PISD: variants seen among roughly 807,000 people sequenced by gnomAD.
The protein encoded by PISD is phosphatidylserine decarboxylase proenzyme, mitochondrial.
Under a neutral mutation model 43.5 loss-of-function variants are expected in PISD, and 31 were observed. The ratio of observed to expected loss-of-function variants is 0.71; its 90% CI spans 0.54 to 0.96. The LOEUF (loss-of-function observed/expected upper bound fraction) is 0.96. Among genes scored for constraint, PISD ranks in the 40% least tolerant of loss-of-function variants. The pLI is 0.00. For synonymous variants in PISD, 259 were observed against 228.7 expected (o/e 1.13, Z -1.20); for missense variants, 523 against 548.4 (o/e 0.95, Z 0.46).
At chr22:31,623,249 C>T (rs996168823) in intron 3 of PISD, among the ~76,000 whole-genome samples, 1 of 152,254 alleles carries the variant, frequency 6.6e-6, no homozygotes, top group Non-Finnish European at 1.5e-5. Context: ...AGGGTGTCCT[C>T]ACCCTAAGGG....
chr22:31,619,244 T>A lies in PISD; in HGVS notation c.*368A>T. 6.5e-6 allele frequency: 2 copies of A among 307,788 alleles called. No individual in the cohort carries two copies. The highest frequency in any genetic ancestry group is 1.3e-5 in the Non-Finnish European group (2 of 156,798). 19.1% of individuals were successfully genotyped at this position (307,788 alleles called of 1,614,324 possible). On this transcript the variant is annotated 3_prime_UTR_variant, in exon 8 of 8. Transcript: ENST00000439502. ...AGGGGCCAACAGAAAACAGCTCAGGTGATGGGGGGAGGAGCAGCAAGAAAA... is the reference window on the plus strand; with the variant it reads ...AGGGGCCAACAGAAAACAGCTCAGGAGATGGGGGGAGGAGCAGCAAGAAAA...
At chr22:31,622,024 C>T (rs1216108457) in intron 3 of PISD, 139 bp from the exon 4 acceptor site, 1 of 662,780 alleles carries the variant, frequency 1.5e-6, no homozygotes. Context: ...GTGCCCCACG[C>T]TGCTTTTGTG....
In PISD at chr22:31,619,176, C is replaced by T. The variant is rs8461; in HGVS notation, c.*436G>A. The T allele has an allele frequency of 0.24, 65,653 of 277,832 alleles. 8,751 individuals are homozygous for T. The highest frequency in any genetic ancestry group is 0.42 in the East Asian group (4,001 of 9,594). The allele number at this position is 277,832 out of a possible 1,614,324, so 17.2% of individuals were successfully genotyped here. On this transcript the variant is annotated 3_prime_UTR_variant, in exon 8 of 8. Transcript: ENST00000439502. ...GCATCCACAGTCTGTGCCAAGGAGG[C>T]ACCTCACCCTGTGCAGCAGGAGCGT...
intron 4 of PISD, 43 bp downstream of exon 4, chr22:31,621,606 G>A (rs772344640): frequency 1.2e-6 from 2 of 1,602,448 alleles, no homozygotes; most frequent in Non-Finnish European, 1.7e-6. Flanking sequence ...GGGGAGGCAG[G>A]AAAAAGTCCT....
chr22:31,625,886 C>A lies in PISD; in HGVS notation c.322-4001G>T. 4.5e-6 allele frequency: 7 copies of A among 1,548,380 alleles called. No individual in the cohort carries two copies. The South Asian group carries it at 8.3e-5, about 18-fold the overall frequency. On this transcript the variant is annotated intron_variant, in intron 3 of 7. Transcript: ENST00000439502. ...TTTGTTTTCCTCTTTCCTCCCCTTCCCCCGAGCCAGCAGATCTCCTGTGCT... is the reference window on the plus strand; with the variant it reads ...TTTGTTTTCCTCTTTCCTCCCCTTCACCCGAGCCAGCAGATCTCCTGTGCT...
At chr22:31,637,201 A>G (rs2073526761) in intron 3 of PISD, among the ~76,000 whole-genome samples, 1 of 112,546 alleles carries the variant, frequency 8.9e-6, no homozygotes, top group Non-Finnish European at 1.8e-5. Context: ...ATATATATAT[A>G]TATATAGAAA....
At chr22:31,647,544 C>G (rs772619123) in intron 3 of PISD, among the ~76,000 whole-genome samples, 1 of 152,202 alleles carries the variant, frequency 6.6e-6, no homozygotes, top group South Asian at 2.1e-4. Flanking sequence ...CCTTTATATT[C>G]AGTTTCACAA....
At chr22:31,624,652 CAG>C in intron 3 of PISD, among the ~76,000 whole-genome samples, 1 of 140,012 alleles carries the variant, frequency 7.1e-6, no homozygotes, top group Non-Finnish European at 1.6e-5. Flanking sequence ...GCTGCACAGA[CAG>C]ACACACACAC....
intron 3 of PISD, among the ~76,000 whole-genome samples, chr22:31,647,074 T>G (rs76483730): frequency 2.0e-5 from 3 of 152,068 alleles, no homozygotes; most frequent in Non-Finnish European, 4.4e-5. Flanking sequence ...TAGATTCTAT[T>G]GGAAGAAAAT....
At chr22:31,662,022 TG>T in intron 1 of PISD, 121 bp downstream of exon 1, 1 of 827,294 alleles carries the variant, frequency 1.2e-6, no homozygotes, top group South Asian at 1.4e-5. Flanking sequence ...GAGGTGAAGG[TG>T]GCTCCGTCTC....
intron 3 of PISD, chr22:31,625,736 G>T (rs1382218393): frequency 6.4e-7 from 1 of 1,568,346 alleles, no homozygotes; most frequent in Non-Finnish European, 8.6e-7. Flanking sequence ...GAACCGTGGG[G>T]TTAGGGCGCG....
intron 1 of PISD, among the ~76,000 whole-genome samples, chr22:31,653,198 T>C (rs1415056932): frequency 6.6e-6 from 1 of 152,060 alleles, no homozygotes; most frequent in African/African-American, 2.4e-5. Flanking sequence ...CAATGAAGGG[T>C]ATATTTCAGT....
In PISD at chr22:31,618,633, C is replaced by T. The variant is rs1221026870; in HGVS notation, c.*979G>A. The T allele has an allele frequency of 1.8e-5, 8 of 456,462 alleles. No individual in the cohort carries two copies. The highest frequency in any genetic ancestry group is 1.9e-5 in the Non-Finnish European group (5 of 269,192). The allele number at this position is 456,462 out of a possible 1,614,324, so 28.3% of individuals were successfully genotyped here. On this transcript the variant is annotated 3_prime_UTR_variant, in exon 8 of 8. Transcript: ENST00000439502. ...TGATGTCTCTCCTGCAGGAGAAATT[C>T]ACAGCATCCCCAGGGTCAACATGAA...
chr22:31,619,866 C>T (rs1320033833), intron 7 of PISD, 30 bp from the exon 8 acceptor site: 5 of 1,479,306 alleles, frequency 3.4e-6, no homozygotes, highest in Non-Finnish European at 4.7e-6. Flanking sequence ...GTCAGTGGGG[C>T]CCAGGCCACC....
chr22:31,657,549 A>T (rs1489965824), intron 1 of PISD, among the ~76,000 whole-genome samples: 1 of 150,094 alleles, frequency 6.7e-6, no homozygotes, highest in Non-Finnish European at 1.5e-5. Flanking sequence ...TTGAGATGGC[A>T]TCTTGCTCTG....
In PISD at chr22:31,620,578, C is replaced by T. The variant is rs963804716; in HGVS notation, c.980G>A (p.Gly327Asp). The change falls in exon 7 of 8, where the codon GGC becomes GAC. Residue 327 changes from glycine to aspartate, a missense_variant. Physicochemically the swap from Gly to Asp is moderately conservative, Grantham distance 94 (BLOSUM62 -1). Coordinates refer to ENST00000439502, the MANE Select transcript of PISD (RefSeq NM_001326411.2). ...CCGGTCAAAGTAGATGCGAATGGAG[C>T]CCACGTTGGTGGCCCCCACAGCTGT... ...SLTAVGATNV[G>D]SIRIYFDRDL... 1.9e-6 allele frequency: 3 copies of T among 1,614,100 alleles called. No individual in the cohort carries two copies. Among genetic ancestry groups the T allele is most frequent in the Non-Finnish European group, 2.5e-6 (3 of 1,180,048 alleles).
intron 1 of PISD, among the ~76,000 whole-genome samples, chr22:31,654,587 A>G (rs5749319): frequency 3.3e-5 from 5 of 152,254 alleles, no homozygotes; most frequent in East Asian, 1.9e-4. Flanking sequence ...CCAGATGTTT[A>G]CCAAATGCAC....
Position 31,618,747 on chromosome 22 carries a change from A to C in PISD, c.*865T>G, listed in dbSNP as rs528529904. On this transcript the variant is annotated 3_prime_UTR_variant, in exon 8 of 8. Coordinates refer to ENST00000439502, the MANE Select transcript of PISD (RefSeq NM_001326411.2). ...TTTTCCAGGCACTGACCAACTATCC[A>C]CCAAGGGTCCTCTGCCTCCAAGACA... is the stretch of plus-strand genomic sequence containing the variant. The C allele has an allele frequency of 7.4e-5, 17 of 230,598 alleles. No homozygotes were observed. In the East Asian group the frequency reaches 1.5e-3, roughly 21 times the overall value. 14.3% of individuals were successfully genotyped at this position (230,598 alleles called of 1,614,324 possible).
chr22:31,640,575 GTTTTTT>G (rs759964791), intron 3 of PISD, among the ~76,000 whole-genome samples: 1 of 91,254 alleles, frequency 1.1e-5, no homozygotes, highest in Non-Finnish European at 1.9e-5. Context: ...CGGTTTGGTT[GTTTTTT>G]TTTTTTTTTT....
Sources: gnomAD v4.1 joint callset for allele counts (sites outside exome capture counted in the v4.1 genomes callset) on GRCh38, gnomAD v4.1.1 for gene constraint, MANE v1.5 for transcripts, NCBI Gene and HGNC (gene_info 2026-07-23, HGNC 2026-07-21) for gene names.